Variants in SEMA3A observed in about 807,000 individuals in gnomAD.
SEMA3A encodes semaphorin 3A, also known as semaphorin-3A.
In SEMA3A, 29 loss-of-function variants were observed where a neutral mutation model predicts 97.9. The observed-to-expected ratio is 0.30, with a 90% CI of 0.22 to 0.40. The LOEUF (loss-of-function observed/expected upper bound fraction) is 0.40, where lower values mean the gene tolerates loss of function less well. Ranked by LOEUF, SEMA3A falls within the 10% of genes least tolerant of loss-of-function variation. The pLI, the probability that SEMA3A is intolerant of heterozygous loss-of-function variation, is 1.00. For synonymous variants in SEMA3A, 321 were observed against 323.7 expected (o/e 0.99, Z 0.09); for missense variants, 763 against 951.3 (o/e 0.80, Z 2.60).
At chr7:84,049,811 C>T (rs1448994901) in intron 5 of SEMA3A, among the ~76,000 whole-genome samples, 2 of 149,530 alleles carry the variant, frequency 1.3e-5, no homozygotes, top group African/African-American at 2.5e-5. Context: ...TGTGCTGCAC[C>T]CACTAACTCA....
intron 3 of SEMA3A, among the ~76,000 whole-genome samples, chr7:84,288,756 T>A (rs950884803): frequency 6.6e-6 from 1 of 152,068 alleles, no homozygotes; most frequent in Non-Finnish European, 1.5e-5. Context: ...TTCTCTGAAC[T>A]TGGCTTATAT....
intron 15 of SEMA3A, among the ~76,000 whole-genome samples, chr7:83,966,113 T>C (rs1002051210): frequency 6.6e-6 from 1 of 152,154 alleles, no homozygotes; most frequent in South Asian, 2.1e-4. Context: ...TTTCATTTCC[T>C]CTTCAGGACA....
intron 2 of SEMA3A, among the ~76,000 whole-genome samples, chr7:84,314,970 A>C (rs997230357): frequency 2.0e-5 from 3 of 152,202 alleles, no homozygotes; most frequent in East Asian, 3.8e-4. Flanking sequence ...ATAGTACTAT[A>C]AAATCATGAA....
intron 1 of SEMA3A, among the ~76,000 whole-genome samples, chr7:84,181,649 C>T (rs1797740275): frequency 6.6e-6 from 1 of 152,072 alleles, no homozygotes; most frequent in East Asian, 1.9e-4. Context: ...TAAGAAAACA[C>T]TAGTAGTTTT....
chr7:84,158,585 C>G (rs1174232857), intron 1 of SEMA3A, among the ~76,000 whole-genome samples: 1 of 152,104 alleles, frequency 6.6e-6, no homozygotes, highest in African/African-American at 2.4e-5. Flanking sequence ...GTACTTTTCC[C>G]ATAATTTTGT....
chr7:84,019,266 T>C (rs934427795), intron 6 of SEMA3A, among the ~76,000 whole-genome samples: 1 of 151,996 alleles, frequency 6.6e-6, no homozygotes, highest in Non-Finnish European at 1.5e-5. Flanking sequence ...AGTGCGTCTT[T>C]AGAGAGCCTT....
chr7:84,163,733 T>A (rs988087203), intron 1 of SEMA3A, among the ~76,000 whole-genome samples: 1 of 152,152 alleles, frequency 6.6e-6, no homozygotes, highest in Non-Finnish European at 1.5e-5. Context: ...TATATGTAAA[T>A]TCACGATCCG....
chr7:84,472,553 A>C (rs1806182014), intron 1 of SEMA3A, among the ~76,000 whole-genome samples: 1 of 152,184 alleles, frequency 6.6e-6, no homozygotes, highest in Non-Finnish European at 1.5e-5. Context: ...TTTTCAGCTA[A>C]AACATGTCAC....
At position 83,960,298 on chromosome 7, in the gene SEMA3A, T is replaced by C. The variant is rs1788418593; in HGVS notation, c.*1073A>G. 6.6e-6 allele frequency: 1 copy of C among 152,116 alleles called. No individual in the cohort carries two copies. The highest frequency in any genetic ancestry group is 2.1e-4 in the South Asian group (1 of 4,824). The allele number at this position is 152,116 out of a possible 1,614,324, so 9.4% of individuals were successfully genotyped here. A position where few individuals can be genotyped will look rare whatever the true frequency, so the allele number is the denominator to read the frequency against. On this transcript the variant is annotated 3_prime_UTR_variant, in exon 17 of 17. Coordinates refer to ENST00000265362, the MANE Select transcript of SEMA3A (RefSeq NM_006080.3). ...CAATGCTTATTATTTTCATGAAATA[T>C]GCAGTTCCTTTTCCCTTCATTGATT...
Position 84,245,432 on chromosome 7 carries a change from G to A in SEMA3A, c.-82-50764C>T, listed in dbSNP as rs370077777. On this transcript the variant is annotated intron_variant, in intron 3 of 3. Coordinates refer to the SEMA3A transcript ENST00000424555. ...ATGAAGTTATCGTGCTGTGTTTTTC[G>A]GCTCCATCAGGTCATTTATGTTCTT... 5.9e-5 allele frequency among the ~76,000 whole-genome samples: 9 copies of A among 151,562 alleles called. No individual in the cohort carries two copies. In the East Asian group the frequency reaches 9.8e-4, roughly 16 times the overall value.
chr7:84,050,775 G>A (rs1477044644), intron 5 of SEMA3A, among the ~76,000 whole-genome samples: 2 of 152,126 alleles, frequency 1.3e-5, no homozygotes, highest in African/African-American at 2.4e-5. Flanking sequence ...TAGACATGAA[G>A]TCCTTGCCCA....
In SEMA3A at chr7:84,425,853, A is replaced by AACACAC. The variant is rs368734761; in HGVS notation, c.-245-53959_-245-53954dup. The stretch of plus-strand genomic sequence containing the variant: ...TATATATAATATATAATGTTTATAT[A>AACACAC]ACACACACACACACACACACACACC... On this transcript the variant is annotated intron_variant, in intron 1 of 3. Transcript: ENST00000424555. Among the ~76,000 whole-genome samples, 572 of 110,350 alleles carry AACACAC rather than the reference A, an allele frequency of 5.2e-3. 3 individuals carry two copies. Among genetic ancestry groups the AACACAC allele is most frequent in the African/African-American group, 0.021 (520 of 24,476 alleles). The allele number at this position is 110,350 out of a possible 152,430, so 72.4% of individuals were successfully genotyped here. A position where few individuals can be genotyped will look rare whatever the true frequency, so the allele number is the denominator to read the frequency against.
At chr7:84,103,372 T>G (rs887879499) in intron 4 of SEMA3A, among the ~76,000 whole-genome samples, 12 of 152,096 alleles carry the variant, frequency 7.9e-5, no homozygotes, top group Admixed American at 7.2e-4. Flanking sequence ...ATCATAAGCT[T>G]CAAGCAAATG....
chr7:84,008,490 C>CAA (rs752729583), intron 9 of SEMA3A, among the ~76,000 whole-genome samples: 11,236 of 80,826 alleles, frequency 0.14, 1,076 homozygotes, highest in African/African-American at 0.32. Flanking sequence ...GACTCCGTCT[C>CAA]AAAAAAAAAA....
chr7:84,057,798 G>A lies in SEMA3A; in HGVS notation c.547+2667C>T, dbSNP rs1018448358. 2.8e-4 allele frequency among the ~76,000 whole-genome samples: 39 copies of A among 141,814 alleles called. 1 individual carries two copies. The highest frequency in any genetic ancestry group is 3.5e-3 in the Middle Eastern group (1 of 284). 93.0% of individuals were successfully genotyped at this position (141,814 alleles called of 152,430 possible). A position where few individuals can be genotyped will look rare whatever the true frequency, so the allele number is the denominator to read the frequency against. ...TAAATAAATAAATAAATAAAGACTGGAGCAAATTCATCTTGACAAAATGAT... is the reference window on the plus strand; with the variant it reads ...TAAATAAATAAATAAATAAAGACTGAAGCAAATTCATCTTGACAAAATGAT... On this transcript the variant is annotated intron_variant, in intron 5 of 16. Coordinates refer to ENST00000265362, the MANE Select transcript of SEMA3A (RefSeq NM_006080.3).
intron 2 of SEMA3A, among the ~76,000 whole-genome samples, chr7:84,133,773 G>A (rs544106297): frequency 4.6e-5 from 7 of 151,588 alleles, no homozygotes; most frequent in East Asian, 3.9e-4. Flanking sequence ...ATAAAAGGCC[G>A]GGCGCGGTGG....
At chr7:84,012,769 CTAT>C (rs1477099927) in intron 7 of SEMA3A, among the ~76,000 whole-genome samples, 1 of 152,094 alleles carries the variant, frequency 6.6e-6, no homozygotes, top group African/African-American at 2.4e-5. Context: ...ATAAATTCTA[CTAT>C]TGAGGTATGT....
At chr7:84,439,344 A>C (rs908785753) in intron 1 of SEMA3A, among the ~76,000 whole-genome samples, 1 of 152,066 alleles carries the variant, frequency 6.6e-6, no homozygotes. Context: ...GTGAAATTTC[A>C]TGTGTCGACA....
At chr7:84,235,178 C>G (rs1177613178) in intron 3 of SEMA3A, among the ~76,000 whole-genome samples, 3 of 151,884 alleles carry the variant, frequency 2.0e-5, no homozygotes, top group Non-Finnish European at 4.4e-5. Context: ...TTCAATTGTT[C>G]ATAATGGACT....
Sources: gnomAD v4.1 joint callset for allele counts (sites outside exome capture counted in the v4.1 genomes callset) on GRCh38, gnomAD v4.1.1 for gene constraint, MANE v1.5 for transcripts, NCBI Gene and HGNC (gene_info 2026-07-23, HGNC 2026-07-21) for gene names.